Variants in MED13L observed in about 807,000 individuals in gnomAD.
MED13L encodes the protein mediator complex subunit 13L.
In MED13L, 7 loss-of-function variants were observed where a neutral mutation model predicts 220.9. The ratio of observed to expected loss-of-function variants is 0.03; its 90% CI spans 0.02 to 0.06. The LOEUF is 0.06. MED13L is among the 10% of genes least tolerant of loss of function. The pLI is 1.00. For synonymous variants in MED13L, 1,011 were observed against 1,015.2 expected (o/e 1.00, Z 0.08); for missense variants, 1,965 against 2,760.5 (o/e 0.71, Z 6.46).
chr12:115,991,886 G>A lies in MED13L; in HGVS notation c.3068C>T (p.Thr1023Met), dbSNP rs747244814. Residue 1023 changes from threonine (T) to methionine (M), a missense_variant, in exon 17 of 31, where the codon ACG becomes ATG. This residue lies in a region of MED13L where 233 missense variants were observed against 306.2 expected (regional missense o/e 0.76). Transcript: ENST00000281928. This position sits in a 1 kb window ranked among gnomAD's most constrained non-coding sequence, Gnocchi z 7.7. ...LNTPQMNTPV[T>M]LNSAAPASNS... ...GCTGGCTGGGGCAGCGCTGTTCAAC[G>A]TCACGGGTGTGTTCATCTGTGGTGT... The A allele has an allele frequency of 2.1e-5, 34 of 1,602,558 alleles. No individual in the cohort carries two copies. The highest frequency in any genetic ancestry group is 9.9e-5 in the South Asian group (9 of 91,084).
chr12:116,036,236 CTG>C (rs936075720), intron 4 of MED13L, among the ~76,000 whole-genome samples: 35 of 152,176 alleles, frequency 2.3e-4, no homozygotes, highest in African/African-American at 8.2e-4. Flanking sequence ...ACAAGAACAA[CTG>C]ATATACACAG....
At chr12:116,102,616 A>G (rs1339809158) in intron 3 of MED13L, among the ~76,000 whole-genome samples, 1 of 151,450 alleles carries the variant, frequency 6.6e-6, no homozygotes, top group African/African-American at 2.4e-5. Context: ...CAATGCTCCC[A>G]ATCCCTAACC....
chr12:116,032,976 C>T (rs574887944), intron 4 of MED13L, among the ~76,000 whole-genome samples: 3 of 150,500 alleles, frequency 2.0e-5, no homozygotes, highest in Non-Finnish European at 3.0e-5. Context: ...GAAAGGGTGG[C>T]GGGGAGAAGG....
chr12:116,246,206 C>CA (rs77427246), intron 1 of MED13L, among the ~76,000 whole-genome samples: 4,060 of 100,084 alleles, frequency 0.041, 83 homozygotes, highest in Middle Eastern at 0.069. Flanking sequence ...TTTAGACATG[C>CA]AAAAAAAAAA....
At chr12:116,222,466 C>T (rs975600834) in intron 2 of MED13L, among the ~76,000 whole-genome samples, 4 of 152,134 alleles carry the variant, frequency 2.6e-5, no homozygotes, top group African/African-American at 7.2e-5. Flanking sequence ...GGGAGTAATC[C>T]AAAATCCATG....
rs145555488 is a variant in MED13L at position 116,014,519 on chromosome 12, A to G, written c.1175+590T>C. ...CAGCAGCAGTCTTTTCTAAAAATCA[A>G]TTCTCTCCTTTTCCAAAAGTATGTT... On this transcript the variant is annotated intron_variant, in intron 8 of 30. Transcript: ENST00000281928. 2.0e-4 allele frequency among the ~76,000 whole-genome samples: 31 copies of G among 152,334 alleles called. No homozygotes were observed. In the East Asian group the frequency reaches 5.4e-3, roughly 27 times the overall value.
Position 116,165,259 on chromosome 12 carries a change from C to CTTT in MED13L, c.311-53750_311-53748dup, listed in dbSNP as rs34196219. On this transcript the variant is annotated intron_variant, in intron 2 of 30. Coordinates refer to ENST00000281928, the MANE Select transcript of MED13L (RefSeq NM_015335.5). ...TTAAGGCAATGAAGTAGGCACCATC[C>CTTT]TTTTTTTTTTTTTTTTTTTTTTTTT... is the stretch of plus-strand genomic sequence containing the variant. Among the ~76,000 whole-genome samples the CTTT allele has an allele frequency of 5.6e-3, 416 of 74,480 alleles. 44 individuals carry two copies. The highest frequency in any genetic ancestry group is 0.022 in the African/African-American group (368 of 16,932). The allele number at this position is 74,480 out of a possible 152,430, so 48.9% of individuals were successfully genotyped here.
At chr12:116,104,559 C>A (rs898319464) in intron 3 of MED13L, among the ~76,000 whole-genome samples, 12 of 152,160 alleles carry the variant, frequency 7.9e-5, no homozygotes, top group African/African-American at 2.7e-4. Flanking sequence ...GGTAAATATG[C>A]TAACAATCCA....
At chr12:115,968,849 T>TAGGAACAAGTAGGA in intron 28 of MED13L, 91 bp downstream of exon 28, 1 of 1,507,382 alleles carries the variant, frequency 6.6e-7, no homozygotes, top group Non-Finnish European at 9.2e-7. Context: ...TCAAGAACTG[T>TAGGAACAAGTAGGA]GCAAGTAGGA....
At position 116,008,159 on chromosome 12, in the gene MED13L, T is replaced by C. The variant is rs77386950; in HGVS notation, c.2012+242A>G. On this transcript the variant is annotated intron_variant, in intron 10 of 30. Transcript: ENST00000281928. Reference sequence around the variant, plus strand: ...AAACAGTAGGGCAAAAATGTATTAATATATTTGGAGTGTACTTAAATGGCA... The same window carrying C: ...AAACAGTAGGGCAAAAATGTATTAACATATTTGGAGTGTACTTAAATGGCA... 6.7e-5 allele frequency: 35 copies of C among 518,848 alleles called. No individual in the cohort carries two copies. In the East Asian group the frequency reaches 1.0e-3, roughly 15 times the overall value. 32.1% of individuals were successfully genotyped at this position (518,848 alleles called of 1,614,324 possible).
At chr12:116,110,437 C>T (rs1214588196) in intron 3 of MED13L, among the ~76,000 whole-genome samples, 3 of 151,708 alleles carry the variant, frequency 2.0e-5, no homozygotes, top group Non-Finnish European at 4.4e-5. Flanking sequence ...CAACAGGATG[C>T]CAACTAATAA....
intron 5 of MED13L, 117 bp downstream of exon 5, chr12:116,022,339 T>C: frequency 1.6e-6 from 2 of 1,231,800 alleles, no homozygotes; most frequent in South Asian, 1.3e-5. Context: ...CTGACCCTTA[T>C]GCTTAGCTTT....
chr12:116,006,073 T>C (rs1879027795), intron 12 of MED13L, 80 bp from the exon 13 acceptor site: 21 of 1,570,628 alleles, frequency 1.3e-5, no homozygotes, highest in Non-Finnish European at 1.7e-5. Flanking sequence ...CGGATCTCAA[T>C]GAACATGACC....
chr12:116,153,685 T>C (rs1160082623), intron 2 of MED13L, among the ~76,000 whole-genome samples: 1 of 152,166 alleles, frequency 6.6e-6, no homozygotes, highest in Non-Finnish European at 1.5e-5. Context: ...TAGACACAAA[T>C]ATATACACAC....
chr12:116,061,931 C>G (rs1869522339), intron 4 of MED13L, among the ~76,000 whole-genome samples: 1 of 150,630 alleles, frequency 6.6e-6, no homozygotes, highest in Admixed American at 6.6e-5. Context: ...TGGCGTGAAC[C>G]CGGGAGGCAG....
chr12:116,190,162 C>A (rs894387129), intron 2 of MED13L, among the ~76,000 whole-genome samples: 1 of 152,082 alleles, frequency 6.6e-6, no homozygotes, highest in Non-Finnish European at 1.5e-5. Flanking sequence ...CAGTTTTTCA[C>A]CATTAAGAAT....
chr12:115,996,443 A>G, intron 16 of MED13L, 33 bp downstream of exon 16: 2 of 1,591,422 alleles, frequency 1.3e-6, no homozygotes, highest in Non-Finnish European at 1.7e-6. Context: ...TGCATCAAAT[A>G]TGGCAAGTAA....
chr12:116,130,591 T>A (rs370047606), intron 2 of MED13L, among the ~76,000 whole-genome samples: 1 of 152,222 alleles, frequency 6.6e-6, no homozygotes, highest in Non-Finnish European at 1.5e-5. Context: ...TCTCACACAC[T>A]GAGCTCCAAT....
chr12:115,984,134 T>C, intron 20 of MED13L, 46 bp downstream of exon 20: 1 of 1,582,766 alleles, frequency 6.3e-7, no homozygotes, highest in Non-Finnish European at 8.6e-7. Context: ...ACGGATTTGC[T>C]ATTTTACTTC....
Sources: allele counts gnomAD v4.1 joint callset (sites outside exome capture counted in the v4.1 genomes callset), GRCh38; gene constraint gnomAD v4.1.1; regional missense constraint gnomAD v4.1.1; non-coding constraint Gnocchi (gnomAD v3.1); transcripts MANE v1.5; gene names NCBI Gene and HGNC (gene_info 2026-07-23, HGNC 2026-07-21).